TTN: variants seen among roughly 807,000 people sequenced by gnomAD.
TTN encodes titin.
Under a neutral mutation model 3,223.0 loss-of-function variants are expected in TTN, and 1,525 were observed. The observed-to-expected ratio is 0.47, with a 90% CI of 0.45 to 0.49. The LOEUF (loss-of-function observed/expected upper bound fraction) is 0.49, where lower values mean the gene tolerates loss of function less well. TTN is among the 20% of genes least tolerant of loss of function. The probability of loss-of-function intolerance (pLI) is 0.00; values close to 1 mark genes in which losing one functional copy is unlikely to be tolerated. For synonymous variants in TTN, 14,094 were observed against 15,161.0 expected, an observed-to-expected ratio of 0.93 and a Z score of 5.17; for missense variants, 40,786 against 43,424.0, an observed-to-expected ratio of 0.94 and a Z score of 5.40.
chr2:178,641,829 T>C, intron 219 of TTN, among the ~76,000 whole-genome samples: 1 of 152,008 alleles, frequency 6.6e-6, no homozygotes, highest in South Asian at 2.1e-4. Flanking sequence ...AAAAATGTTA[T>C]TTATTAGTTG....
chr2:178,679,212 T>G, intron 142 of TTN, 127 bp downstream of exon 142: 14 of 966,190 alleles, frequency 1.4e-5, no homozygotes, highest in Non-Finnish European at 2.2e-5. Context: ...TGTGGCCAGT[T>G]GAGAGGCGCT....
At chr2:178,706,761 T>G (rs2075935652) in intron 101 of TTN, 22 bp from the exon 102 acceptor site, 3 of 1,597,876 alleles carry the variant, frequency 1.9e-6, no homozygotes, top group Non-Finnish European at 2.6e-6. Context: ...TGAAAACAAG[T>G]GAATAAAAAT....
Position 178,706,751 on chromosome 2 carries a change from T to C in TTN, c.29135-12A>G, listed in dbSNP as rs1313674154. ...GGTCGCAGTGGTTTCTAAGGAATAA[T>C]GAAAACAAGTGAATAAAAATTTAAT... On this transcript the variant is annotated splice_polypyrimidine_tract_variant and intron_variant, in intron 101 of 362. Transcript: ENST00000589042. 1.3e-6 allele frequency: 2 copies of C among 1,598,428 alleles called. No homozygotes were observed. Among genetic ancestry groups the C allele is most frequent in the Admixed American group, 3.5e-5 (2 of 57,250 alleles).
intron 147 of TTN, 118 bp downstream of exon 147, chr2:178,677,083 A>G (rs1325405010): frequency 1.9e-6 from 1 of 518,974 alleles, no homozygotes; most frequent in Admixed American, 4.9e-5. Context: ...TTAGAAGTAA[A>G]TATGTAACTG....
chr2:178,548,303 A>T lies in TTN; in HGVS notation c.93323T>A (p.Ile31108Asn). 6.2e-7 allele frequency: 1 copy of T among 1,613,876 alleles called. No homozygotes were observed. Among genetic ancestry groups the T allele is most frequent in the Non-Finnish European group, 8.5e-7 (1 of 1,179,800 alleles). ...VGEPYEMPEP[I>N]VATEQPAPPR... Reference sequence around the variant, plus strand: ...TGGAGCAGGCTGTTCTGTGGCTACAATTGGTTCTGGCATTTCATAGGGCTC... The same window carrying T: ...TGGAGCAGGCTGTTCTGTGGCTACATTTGGTTCTGGCATTTCATAGGGCTC... Residue 31108 changes from isoleucine to asparagine, a missense_variant, in exon 339 of 363, where the codon ATT (isoleucine) becomes AAT (asparagine). Physicochemically the swap from Ile to Asn is moderately radical, Grantham distance 149. Coordinates refer to ENST00000589042, the MANE Select transcript of TTN (RefSeq NM_001267550.2). This position sits in a 1 kb window ranked among gnomAD's most constrained non-coding sequence, Gnocchi z 4.3.
In TTN at chr2:178,535,276, G is replaced by A. The variant is rs2154136558; in HGVS notation, c.101339C>T (p.Thr33780Ile). ...LSKPSEPSEP[T>I]ITKEDKTRAM... ...TCTGGTCTTATCTTCTTTGGTTATG[G>A]TTGGTTCTGAAGGCTCTGAAGGCTT... Residue 33780 changes from threonine (T) to isoleucine (I), a missense_variant, in exon 358 of 363, where the codon ACC (threonine) becomes ATC (isoleucine). Thr to Ile is a moderately conservative substitution (Grantham distance 89). Transcript: ENST00000589042. 2 of 1,613,902 alleles carry A rather than the reference G, an allele frequency of 1.2e-6. No homozygotes were observed. Among genetic ancestry groups the A allele is most frequent in the South Asian group, 2.2e-5 (2 of 91,080 alleles).
intron 321 of TTN, 136 bp downstream of exon 321, chr2:178,578,475 C>T: frequency 1.5e-6 from 1 of 666,962 alleles, no homozygotes; most frequent in Admixed American, 3.3e-5. Context: ...TAAACATTAA[C>T]CATATGTACT....
At position 178,728,339 on chromosome 2, in the gene TTN, G is replaced by A; in HGVS notation, c.19485C>T (p.Gly6495=). ...KKLTKMDKVL[G]SSIHMECKVS... ...CCTTGCACTCCATATGAATAGAAGA[G>A]CCCAGAACTTTATCCATTTTGGTTA... Residue 6495 remains glycine, a synonymous_variant, in exon 67 of 363, where the codon GGC becomes GGT. Coordinates refer to ENST00000589042, the MANE Select transcript of TTN (RefSeq NM_001267550.2). 1 of 1,609,222 alleles carries A rather than the reference G, an allele frequency of 6.2e-7. No individual in the cohort carries two copies. Among genetic ancestry groups the A allele is most frequent in the Non-Finnish European group, 8.5e-7 (1 of 1,178,314 alleles).
At position 178,803,024 on chromosome 2, in the gene TTN, C is replaced by T. The variant is rs1019917732; in HGVS notation, c.92-683G>A. 2.0e-5 allele frequency among the ~76,000 whole-genome samples: 3 copies of T among 152,332 alleles called. No individual in the cohort carries two copies. The East Asian group carries it at 5.8e-4, about 29-fold the overall frequency. On this transcript the variant is annotated intron_variant, in intron 2 of 362. Coordinates refer to ENST00000589042, the MANE Select transcript of TTN (RefSeq NM_001267550.2). ...CCATAAATTGTAGAGCCAAGAACTA[C>T]ATGTCCATGGTTTGATGTTTTAAAT...
intron 127 of TTN, among the ~76,000 whole-genome samples, chr2:178,686,019 C>T (rs1008525466): frequency 4.6e-5 from 7 of 151,572 alleles, no homozygotes; most frequent in African/African-American, 1.7e-4. Flanking sequence ...AGATAATATT[C>T]CATATTGTTT....
chr2:178,777,533 C>T lies in TTN; in HGVS notation c.4532G>A (p.Gly1511Asp), dbSNP rs751606948. 4.5e-5 allele frequency: 72 copies of T among 1,613,776 alleles called. No individual in the cohort carries two copies. The highest frequency in any genetic ancestry group is 5.3e-5 in the Non-Finnish European group (62 of 1,179,942). ...YTHKVVIKEDGTQSLIIVPAT... is the reference protein window; with the variant it reads ...YTHKVVIKEDDTQSLIIVPAT... ...AGGGACAATAATTAGTGATTGAGTA[C>T]CATCTTCTTTAATGACTACTTTATG... Residue 1511 changes from glycine (G) to aspartate (D), a missense_variant, in exon 26 of 363, where the codon GGT becomes GAT. Coordinates refer to ENST00000589042, the MANE Select transcript of TTN (RefSeq NM_001267550.2).
Position 178,775,579 on chromosome 2 carries a change from T to A in TTN, c.6285A>T (p.Ala2095=), listed in dbSNP as rs1561279559. The part of the protein sequence containing the change: ...QSQTVGQGSD[A]HFRVRVVGKP... ...TCCCCACGACTCTGACCCGGAAGTG[T>A]GCATCAGATCCTTGGCCCACTGTTT... is the stretch of plus-strand genomic sequence containing the variant. The change falls in exon 28 of 363, where the codon GCA becomes GCT. Residue 2095 remains alanine (A), a synonymous_variant. Coordinates refer to ENST00000589042, the MANE Select transcript of TTN (RefSeq NM_001267550.2). The A allele has an allele frequency of 1.2e-6, 2 of 1,614,100 alleles. No homozygotes were observed. The highest frequency in any genetic ancestry group is 1.7e-6 in the Non-Finnish European group (2 of 1,179,996).
In TTN at chr2:178,570,596, C is replaced by G. The variant is rs1707825779; in HGVS notation, c.75536G>C (p.Ser25179Thr). 1 of 1,613,344 alleles carries G rather than the reference C, an allele frequency of 6.2e-7. No homozygotes were observed. Among genetic ancestry groups the G allele is most frequent in the Non-Finnish European group, 8.5e-7 (1 of 1,179,638 alleles). ...TTTGGCCTTCAGTATGTAATTTCCA[C>G]TGTCGACACGTACTGCATCTTTTAC... ...LSVKDAVRVD[S>T]GNYILKAKNV... Residue 25179 changes from serine (S) to threonine (T), a missense_variant, in exon 326 of 363, where the codon AGT becomes ACT. Coordinates refer to ENST00000589042, the MANE Select transcript of TTN (RefSeq NM_001267550.2).
rs1014791707 is a variant in TTN, at chr2:178,715,673, C to G, written c.25741G>C (p.Val8581Leu). 2 of 1,612,638 alleles carry G rather than the reference C, an allele frequency of 1.2e-6. No homozygotes were observed. Among genetic ancestry groups the G allele is most frequent in the East Asian group, 4.5e-5 (2 of 44,810 alleles). ...CKIGGSPEIK[V>L]LWYKDETEIQ... ...TCAGTCTCGTCCTTATACCATAAAA[C>G]TTTGATTTCTGGAGACCCACCGATT... is the stretch of plus-strand genomic sequence containing the variant. The change falls in exon 89 of 363, where the codon GTT becomes CTT. Residue 8581 changes from valine to leucine, a missense_variant. Val to Leu is a conservative substitution (Grantham distance 32). Coordinates refer to ENST00000589042, the MANE Select transcript of TTN (RefSeq NM_001267550.2).
Position 178,672,646 on chromosome 2 carries a change from G to A in TTN, c.34844C>T (p.Pro11615Leu). The change falls in exon 153 of 363, where the codon CCC (proline) becomes CTC (leucine). Residue 11615 changes from proline to leucine, a missense_variant. Physicochemically the swap from Pro to Leu is moderately conservative, Grantham distance 98. Transcript: ENST00000589042. ...VPVPVQKKEA[P>L]PAKVPEVPKK... ...AAGAGAAGATGTACCTTTGGCTGGG[G>A]GTGCCTCTTTTTTCTGAACAGGAAC... The A allele has an allele frequency of 1.9e-6, 3 of 1,611,288 alleles. No individual in the cohort carries two copies. Among genetic ancestry groups the A allele is most frequent in the Non-Finnish European group, 2.5e-6 (3 of 1,178,330 alleles).
rs773926552 is a variant in TTN, at chr2:178,672,422, C to T, written c.34915G>A (p.Val11639Ile). 4 of 1,601,356 alleles carry T rather than the reference C, an allele frequency of 2.5e-6. No homozygotes were observed. In the Admixed American group the frequency reaches 7.0e-5, roughly 28 times the overall value. Residue 11639 changes from valine (V) to isoleucine (I), a missense_variant, in exon 154 of 363, where the codon GTT (valine) becomes ATT (isoleucine). Physicochemically the swap from Val to Ile is conservative, Grantham distance 29. Transcript: ENST00000589042. ...CCAAAAATACCTTTAGCTGGGGGAA[C>T]AGCTTCCTTTTTAGGCACAAGGACT... ...KKVLVPKKEA[V>I]PPAKGRTVLE...
chr2:178,640,420 A>T, intron 221 of TTN, 121 bp downstream of exon 221: 1 of 904,904 alleles, frequency 1.1e-6, no homozygotes. Context: ...AAAGAAAATT[A>T]AGCCATATGT....
chr2:178,729,497 C>T lies in TTN; in HGVS notation c.18659G>A (p.Cys6220Tyr), dbSNP rs191692293. ...AAACGGAGGTGTTCCCGTAACTTCACACTCCAGCTCCACGTCACTATATTT... is the reference window on the plus strand; with the variant it reads ...AAACGGAGGTGTTCCCGTAACTTCATACTCCAGCTCCACGTCACTATATTT... ...VVKYSDVELE[C>Y]EVTGTPPFEV... Residue 6220 changes from cysteine (C) to tyrosine (Y), a missense_variant, in exon 64 of 363, where the codon TGT (cysteine) becomes TAT (tyrosine). Transcript: ENST00000589042. The T allele has an allele frequency of 6.2e-7, 1 of 1,613,602 alleles. No homozygotes were observed. Among genetic ancestry groups the T allele is most frequent in the Non-Finnish European group, 8.5e-7 (1 of 1,179,632 alleles).
chr2:178,650,639 T>C, intron 209 of TTN, 112 bp downstream of exon 209: 1 of 1,079,916 alleles, frequency 9.3e-7, no homozygotes, highest in East Asian at 2.6e-5. Context: ...AGACAAATAA[T>C]TAAAGGTTAG....
Sources: gnomAD v4.1 joint callset for allele counts (sites outside exome capture counted in the v4.1 genomes callset) on GRCh38, gnomAD v4.1.1 for gene constraint, Gnocchi (gnomAD v3.1) non-coding constraint, MANE v1.5 for transcripts, NCBI Gene and HGNC (gene_info 2026-07-23, HGNC 2026-07-21) for gene names.